The following C8orf34 variants were observed in gnomAD, a reference collection of about 807,000 sequenced individuals.
The protein encoded by C8orf34 is uncharacterized protein C8orf34.
A neutral mutation model predicts 68.3 loss-of-function variants in C8orf34; 65 were observed. The observed-to-expected ratio is 0.95, with a 90% CI of 0.78 to 1.17. C8orf34 has a LOEUF of 1.17. Ranked by LOEUF, C8orf34 falls within the 50% of genes most tolerant of loss-of-function variation. The pLI is 0.00. For missense variants in C8orf34, 664 were observed against 655.4 expected (o/e 1.01, Z -0.14); for synonymous variants, 244 against 241.2 (o/e 1.01, Z -0.11).
intron 1 of C8orf34, among the ~76,000 whole-genome samples, chr8:68,365,997 C>T (rs62521788): frequency 0.04 from 958 of 23,718 alleles, no homozygotes; most frequent in African/African-American, 0.053. Flanking sequence ...TCTAGAAAAC[C>T]CCATTGTCTC....
intron 3 of C8orf34, among the ~76,000 whole-genome samples, chr8:68,457,617 A>G (rs1052129945): frequency 6.6e-6 from 1 of 152,202 alleles, no homozygotes. Context: ...GATGACTATA[A>G]TAAAGAATTG....
rs148896763 is a variant in C8orf34 at position 68,688,834 on chromosome 8, G to T, written c.1242-20160G>T. On this transcript the variant is annotated intron_variant, in intron 8 of 13. Coordinates refer to ENST00000518698, the MANE Select transcript of C8orf34 (RefSeq NM_052958.4). ...ACAACACATACTGGGGCCTGTTGGG[G>T]GATGAGGAGAGGGAAAGCATCAAGA... Among the ~76,000 whole-genome samples the T allele has an allele frequency of 5.1e-3, 776 of 152,124 alleles. 6 individuals carry two copies. The highest frequency in any genetic ancestry group is 0.024 in the Middle Eastern group (7 of 294).
intron 12 of C8orf34, among the ~76,000 whole-genome samples, chr8:68,796,771 A>G (rs968473088): frequency 6.6e-6 from 1 of 151,508 alleles, no homozygotes; most frequent in Non-Finnish European, 1.5e-5. Context: ...TGGCAATGAG[A>G]TCTGCATGAC....
chr8:68,722,955 A>C (rs1257011274), intron 10 of C8orf34, among the ~76,000 whole-genome samples: 1 of 152,108 alleles, frequency 6.6e-6, no homozygotes, highest in East Asian at 1.9e-4. Flanking sequence ...TGGCATTTTC[A>C]ACAGGATATT....
chr8:68,657,130 A>C (rs1265618380), intron 8 of C8orf34, among the ~76,000 whole-genome samples: 3 of 152,200 alleles, frequency 2.0e-5, no homozygotes, highest in Non-Finnish European at 4.4e-5. Flanking sequence ...AACTTACCTC[A>C]TTCTGCCTGG....
At chr8:68,450,724 G>C (rs1372174946) in intron 3 of C8orf34, among the ~76,000 whole-genome samples, 3 of 152,116 alleles carry the variant, frequency 2.0e-5, no homozygotes. Flanking sequence ...AACCATGCTG[G>C]AAACGGATGT....
intron 7 of C8orf34, among the ~76,000 whole-genome samples, chr8:68,639,419 T>C (rs1818938039): frequency 1.3e-5 from 2 of 152,178 alleles, no homozygotes; most frequent in Non-Finnish European, 2.9e-5. Flanking sequence ...GAACAATTTA[T>C]TTGACACTCA....
At chr8:68,577,320 T>A (rs1452035923) in intron 7 of C8orf34, among the ~76,000 whole-genome samples, 3 of 152,026 alleles carry the variant, frequency 2.0e-5, no homozygotes, top group Non-Finnish European at 4.4e-5. Context: ...ATTTAAGTGA[T>A]TTAGACATAG....
chr8:68,428,375 TAGAG>T (rs1396592978), intron 1 of C8orf34, among the ~76,000 whole-genome samples: 1 of 152,100 alleles, frequency 6.6e-6, no homozygotes, highest in African/African-American at 2.4e-5. Flanking sequence ...TTAAAATATA[TAGAG>T]AGAGTTACAA....
intron 10 of C8orf34, among the ~76,000 whole-genome samples, chr8:68,752,945 A>G (rs1278738968): frequency 1.3e-5 from 2 of 152,294 alleles, no homozygotes; most frequent in Non-Finnish European, 1.5e-5. Flanking sequence ...TTGAATATCA[A>G]GAAACCATCC....
intron 1 of C8orf34, among the ~76,000 whole-genome samples, chr8:68,431,074 A>G (rs1275688139): frequency 1.3e-5 from 2 of 152,162 alleles, no homozygotes; most frequent in Non-Finnish European, 2.9e-5. Flanking sequence ...TATGGACAGT[A>G]AGGGATAGAG....
intron 1 of C8orf34, among the ~76,000 whole-genome samples, chr8:68,436,823 G>T (rs1157583087): frequency 6.6e-6 from 1 of 152,094 alleles, no homozygotes; most frequent in Non-Finnish European, 1.5e-5. Flanking sequence ...AGTCCCTCAG[G>T]TCTACCTCTG....
intron 6 of C8orf34, among the ~76,000 whole-genome samples, chr8:68,532,683 G>A (rs925309877): frequency 5.3e-5 from 8 of 152,062 alleles, no homozygotes; most frequent in Non-Finnish European, 1.0e-4. Flanking sequence ...GGACCTTCTA[G>A]CTCTTCTTTA....
chr8:68,579,901 G>A (rs144666922), intron 7 of C8orf34, among the ~76,000 whole-genome samples: 11 of 152,208 alleles, frequency 7.2e-5, no homozygotes, highest in African/African-American at 2.4e-4. Context: ...TCTCAACTTA[G>A]CACTCTGAGT....
At chr8:68,667,794 G>A (rs1315574962) in intron 8 of C8orf34, among the ~76,000 whole-genome samples, 5 of 152,278 alleles carry the variant, frequency 3.3e-5, no homozygotes, top group Non-Finnish European at 5.9e-5. Flanking sequence ...AGAGGGTTAA[G>A]CGAGTGACTA....
intron 8 of C8orf34, among the ~76,000 whole-genome samples, chr8:68,686,244 C>G (rs1001099056): frequency 5.9e-5 from 9 of 152,058 alleles, no homozygotes; most frequent in South Asian, 2.1e-4. Context: ...ACTGAAACTT[C>G]CAGATGATTG....
At chr8:68,747,521 A>G (rs1822542937) in intron 10 of C8orf34, among the ~76,000 whole-genome samples, 1 of 148,920 alleles carries the variant, frequency 6.7e-6, no homozygotes, top group Non-Finnish European at 1.5e-5. Context: ...TAAGCTGATA[A>G]GCAACTTCAG....
intron 10 of C8orf34, among the ~76,000 whole-genome samples, chr8:68,726,513 G>T (rs1202879743): frequency 6.6e-6 from 1 of 152,146 alleles, no homozygotes; most frequent in African/African-American, 2.4e-5. Flanking sequence ...GGTAATTCTG[G>T]AATTACCTTG....
chr8:68,465,848 GC>G (rs1812101348), intron 3 of C8orf34, among the ~76,000 whole-genome samples: 1 of 151,764 alleles, frequency 6.6e-6, no homozygotes, highest in African/African-American at 2.4e-5. Context: ...TATACCTAAT[GC>G]TAAATGACGA....
Sources: gnomAD v4.1 joint callset for allele counts (sites outside exome capture counted in the v4.1 genomes callset) on GRCh38, gnomAD v4.1.1 for gene constraint, MANE v1.5 for transcripts, NCBI Gene and HGNC (gene_info 2026-07-23, HGNC 2026-07-21) for gene names.